The following ENTREP3 variants were observed in gnomAD, a reference collection of about 807,000 sequenced individuals.
ENTREP3 encodes the protein protein ENTREP3.
At chr1:155,248,307 C>A in the ENTREP3 span, 2 of 1,607,506 alleles carry the variant, frequency 1.2e-6, no homozygotes, top group Non-Finnish European at 1.7e-6. Flanking sequence ...CAGAGCCCTG[C>A]AGAGAGACAG....
the ENTREP3 span, chr1:155,250,347 G>A: frequency 5.8e-6 from 9 of 1,546,990 alleles, no homozygotes; most frequent in African/African-American, 1.4e-5. This position sits in a 1 kb window ranked among gnomAD's most constrained non-coding sequence, Gnocchi z 5.4. Context: ...TGGGGATGCC[G>A]GATGAGGAGG....
At chr1:155,250,238 C>A in the ENTREP3 span, 9 of 1,525,844 alleles carry the variant, frequency 5.9e-6, no homozygotes, top group Non-Finnish European at 7.9e-6. This position sits in a 1 kb window ranked among gnomAD's most constrained non-coding sequence, Gnocchi z 5.4. Flanking sequence ...CCAGTGCCTA[C>A]CCTCTCCTGA....
chr1:155,247,845 C>T, the ENTREP3 span: 1 of 1,495,998 alleles, frequency 6.7e-7, no homozygotes, highest in South Asian at 1.4e-5. Context: ...TACCACGCTC[C>T]AGCCTGCGGC....
At chr1:155,253,860 T>C in the ENTREP3 span, 7 of 1,613,074 alleles carry the variant, frequency 4.3e-6, no homozygotes, top group Non-Finnish European at 5.9e-6. Flanking sequence ...CAAGCTCACC[T>C]TGAGGGCCCC....
At chr1:155,248,243 C>A in the ENTREP3 span, 137 of 1,603,716 alleles carry the variant, frequency 8.5e-5, no homozygotes, top group Non-Finnish European at 1.1e-4. Context: ...TGACCGGGCA[C>A]GTAGCAACTT....
the ENTREP3 span, chr1:155,254,829 T>C: frequency 4.4e-6 from 7 of 1,602,098 alleles, no homozygotes; most frequent in Admixed American, 1.2e-4. The surrounding 1 kb of genome is among the most constrained non-coding windows in gnomAD (Gnocchi z 4.4). Flanking sequence ...CCCCTGGTGC[T>C]GGGCCGGCTG....
the ENTREP3 span, chr1:155,250,182 C>T: frequency 8.6e-7 from 1 of 1,156,364 alleles, no homozygotes; most frequent in Non-Finnish European, 1.2e-6. This position sits in a 1 kb window ranked among gnomAD's most constrained non-coding sequence, Gnocchi z 5.4. Flanking sequence ...CCTCAGGGAC[C>T]TCAACTGTGC....
chr1:155,250,357 G>A, the ENTREP3 span: 2 of 1,546,534 alleles, frequency 1.3e-6, no homozygotes, highest in Admixed American at 3.9e-5. This position sits in a 1 kb window ranked among gnomAD's most constrained non-coding sequence, Gnocchi z 5.4. Flanking sequence ...GGATGAGGAG[G>A]CCGGTGCCCC....
At chr1:155,254,406 A>G in the ENTREP3 span, 28 of 1,613,946 alleles carry the variant, frequency 1.7e-5, no homozygotes, top group Non-Finnish European at 2.2e-5. The surrounding 1 kb of genome is among the most constrained non-coding windows in gnomAD (Gnocchi z 4.4). Context: ...CTACCACTAG[A>G]GTGAATGGCC....
the ENTREP3 span, chr1:155,252,705 TA>T: frequency 6.8e-4 from 36 of 52,772 alleles, no homozygotes; most frequent in Non-Finnish European, 7.8e-4. Context: ...TATATATATA[TA>T]TATATATATA....
chr1:155,250,605 C>T, the ENTREP3 span: 16 of 1,607,748 alleles, frequency 1.0e-5, no homozygotes, highest in Non-Finnish European at 1.3e-5. The surrounding 1 kb of genome is among the most constrained non-coding windows in gnomAD (Gnocchi z 5.4). Context: ...CCGTGGGGGG[C>T]GCCGTGGCAG....
At chr1:155,249,311 G>A in the ENTREP3 span, among the ~76,000 whole-genome samples, 629 of 151,592 alleles carry the variant, frequency 4.1e-3, 3 homozygotes, top group African/African-American at 0.015. Flanking sequence ...GGCTGGTCTC[G>A]AACTCCCGAC....
At chr1:155,249,302 G>C in the ENTREP3 span, among the ~76,000 whole-genome samples, 2 of 151,576 alleles carry the variant, frequency 1.3e-5, no homozygotes, top group South Asian at 2.1e-4. Flanking sequence ...TGTTAGCCAG[G>C]CTGGTCTCGA....
chr1:155,249,371 G>C, the ENTREP3 span, among the ~76,000 whole-genome samples: 1 of 152,078 alleles, frequency 6.6e-6, no homozygotes, highest in Non-Finnish European at 1.5e-5. Context: ...GATTACAGGT[G>C]CAAGCCACCG....
the ENTREP3 span, chr1:155,254,392 G>C: frequency 6.2e-7 from 1 of 1,613,974 alleles, no homozygotes; most frequent in Non-Finnish European, 8.5e-7. The surrounding 1 kb of genome is among the most constrained non-coding windows in gnomAD (Gnocchi z 4.4). Flanking sequence ...CTGGACCCTG[G>C]CACCTACCAC....
the ENTREP3 span, chr1:155,248,267 C>A: frequency 2.5e-4 from 403 of 1,599,150 alleles, no homozygotes; most frequent in East Asian, 8.2e-3. Context: ...GGAAGGGCAG[C>A]GGGCTAGGCG....
At chr1:155,252,035 C>G in the ENTREP3 span, 1 of 628,164 alleles carries the variant, frequency 1.6e-6, no homozygotes, top group African/African-American at 1.9e-5. Flanking sequence ...TTGTTCTGGC[C>G]CCTCCCTCAC....
At chr1:155,252,324 A>C in the ENTREP3 span, among the ~76,000 whole-genome samples, 1 of 151,750 alleles carries the variant, frequency 6.6e-6, no homozygotes, top group Non-Finnish European at 1.5e-5. Context: ...CATCCTCCTG[A>C]GTAGCTGGAA....
the ENTREP3 span, chr1:155,250,459 C>T: frequency 8.1e-6 from 12 of 1,475,568 alleles, no homozygotes; most frequent in Non-Finnish European, 1.1e-5. The surrounding 1 kb of genome is among the most constrained non-coding windows in gnomAD (Gnocchi z 5.4). Flanking sequence ...CCCCGGGGGA[C>T]CCGCCGCCTC....
Sources: gnomAD v4.1 joint callset for allele counts (sites outside exome capture counted in the v4.1 genomes callset) on GRCh38, gnomAD v4.1.1 for gene constraint, Gnocchi (gnomAD v3.1) non-coding constraint, MANE v1.5 for transcripts, NCBI Gene and HGNC (gene_info 2026-07-23, HGNC 2026-07-21) for gene names.